OR8K3: variants seen among roughly 807,000 people sequenced by gnomAD.
OR8K3 encodes olfactory receptor family 8 subfamily K member 3 (gene/pseudogene).
For synonymous variants in OR8K3, 167 were observed against 138.8 expected, an observed-to-expected ratio of 1.20 and a Z score of -1.43; for missense variants, 448 against 367.4, an observed-to-expected ratio of 1.22 and a Z score of -1.79.
At chr11:56,315,420 G>T (rs1854429679) in intron 1 of OR8K3, among the ~76,000 whole-genome samples, 1 of 152,022 alleles carries the variant, frequency 6.6e-6, no homozygotes. Flanking sequence ...AAGCATCTTT[G>T]AAACATTATC....
Position 56,319,352 on chromosome 11 carries a change from A to T in OR8K3, c.*107A>T. On this transcript the variant is annotated 3_prime_UTR_variant, in exon 3 of 3. Transcript: ENST00000641662. ...TAACTGATTCAACATATATTTACAT[A>T]TGTCTCATACATGATAGGCTCTTCT... The T allele has an allele frequency of 1.6e-6, 1 of 633,714 alleles. No homozygotes were observed. The highest frequency in any genetic ancestry group is 2.7e-5 in the East Asian group (1 of 36,690). 39.3% of individuals were successfully genotyped at this position (633,714 alleles called of 1,614,324 possible).
chr11:56,318,815 G>A lies in OR8K3; in HGVS notation c.509G>A (p.Gly170Asp), dbSNP rs762031203. The change falls in exon 3 of 3, where the codon GGC becomes GAC. Residue 170 changes from glycine (G) to aspartate (D), a missense_variant. Physicochemically the swap from Gly to Asp is moderately conservative, Grantham distance 94. Coordinates refer to ENST00000641662, the MANE Select transcript of OR8K3 (RefSeq NM_001005202.2). ...AAGATTTTTACTTTATCCTTCTGTG[G>A]CTACAACGTCATTAGTCATTTCTAC... ...TIKIFTLSFCGYNVISHFYCD... is the reference protein window; with the variant it reads ...TIKIFTLSFCDYNVISHFYCD... 4.5e-5 allele frequency: 73 copies of A among 1,613,850 alleles called. No individual in the cohort carries two copies. Among genetic ancestry groups the A allele is most frequent in the Non-Finnish European group, 5.9e-5 (70 of 1,179,938 alleles).
At chr11:56,316,268 A>T (rs1854441951) in intron 2 of OR8K3, among the ~76,000 whole-genome samples, 1 of 152,036 alleles carries the variant, frequency 6.6e-6, no homozygotes, top group Non-Finnish European at 1.5e-5. Context: ...AATTTTATTT[A>T]AAAAATTAAG....
rs575356334 is a variant in OR8K3 at position 56,318,533 on chromosome 11, C to A, written c.227C>A (p.Thr76Asn). Reference sequence around the variant, plus strand: ...TTCATGGATCTTGGTTATTCAACAACTGTGGGACCCAAAATGTTAGTAAAT... The same window carrying A: ...TTCATGGATCTTGGTTATTCAACAAATGTGGGACCCAAAATGTTAGTAAAT... ...LAFMDLGYST[T>N]VGPKMLVNFV... Residue 76 changes from threonine to asparagine, a missense_variant, in exon 3 of 3, where the codon ACT becomes AAT. Physicochemically the swap from Thr to Asn is moderately conservative, Grantham distance 65. Transcript: ENST00000641662. The A allele has an allele frequency of 6.2e-7, 1 of 1,613,622 alleles. No homozygotes were observed. The highest frequency in any genetic ancestry group is 1.3e-5 in the African/African-American group (1 of 74,984).
intron 1 of OR8K3, among the ~76,000 whole-genome samples, chr11:56,315,622 C>A (rs1388961423): frequency 6.6e-6 from 1 of 151,834 alleles, no homozygotes; most frequent in African/African-American, 2.4e-5. Context: ...GCTCTCAGAC[C>A]CCTTAACAAT....
At chr11:56,316,291 G>T (rs1854442384) in intron 2 of OR8K3, among the ~76,000 whole-genome samples, 1 of 151,840 alleles carries the variant, frequency 6.6e-6, no homozygotes. Context: ...CAAATAATAT[G>T]TAATCATCTT....
intron 2 of OR8K3, among the ~76,000 whole-genome samples, chr11:56,317,950 G>A (rs1033584139): frequency 6.6e-6 from 1 of 151,968 alleles, no homozygotes; most frequent in African/African-American, 2.4e-5. Flanking sequence ...TGGGTATTGC[G>A]ATGGGCTGAG....
Position 56,318,525 on chromosome 11 carries a change from T to C in OR8K3, c.219T>C (p.Tyr73=), listed in dbSNP as rs771791514. 6.2e-6 allele frequency: 10 copies of C among 1,613,826 alleles called. No individual in the cohort carries two copies. In the South Asian group the frequency reaches 1.1e-4, roughly 18 times the overall value. ...LRHLAFMDLG[Y]STTVGPKMLV... The stretch of plus-strand genomic sequence containing the variant: ...ATCTGGCTTTCATGGATCTTGGTTA[T>C]TCAACAACTGTGGGACCCAAAATGT... Residue 73 remains tyrosine (Y), a synonymous_variant, in exon 3 of 3, where the codon TAT becomes TAC. Coordinates refer to ENST00000641662, the MANE Select transcript of OR8K3 (RefSeq NM_001005202.2).
In OR8K3 at chr11:56,319,064, C is replaced by G; in HGVS notation, c.758C>G (p.Thr253Ser). ...HLTVVIVFYG[T>S]LLFMYVQPKS... ...ACAGTGGTCATAGTGTTCTATGGGA[C>G]TTTGCTTTTCATGTACGTGCAGCCC... Residue 253 changes from threonine (T) to serine (S), a missense_variant, in exon 3 of 3, where the codon ACT (threonine) becomes AGT (serine). Transcript: ENST00000641662. The G allele has an allele frequency of 3.7e-6, 6 of 1,614,084 alleles. No individual in the cohort carries two copies. The highest frequency in any genetic ancestry group is 5.1e-6 in the Non-Finnish European group (6 of 1,180,006).
At position 56,320,284 on chromosome 11, in the gene OR8K3, G is replaced by C. The variant is rs566624898; in HGVS notation, c.*1039G>C. ...TTCTACTTGTACAAAGCAAATAAAAGTAATAAAATGCACTACACCATACTG... is the reference window on the plus strand; with the variant it reads ...TTCTACTTGTACAAAGCAAATAAAACTAATAAAATGCACTACACCATACTG... On this transcript the variant is annotated 3_prime_UTR_variant, in exon 3 of 3. Transcript: ENST00000641662. 1 of 152,166 alleles carries C rather than the reference G, an allele frequency of 6.6e-6. No homozygotes were observed. The allele number at this position is 152,166 out of a possible 1,614,324, so 9.4% of individuals were successfully genotyped here.
At chr11:56,317,427 A>G (rs1261720659) in intron 2 of OR8K3, among the ~76,000 whole-genome samples, 4 of 152,124 alleles carry the variant, frequency 2.6e-5, no homozygotes, top group Admixed American at 6.6e-5. Context: ...TGTAGAATAT[A>G]TCTATATCCA....
rs373359112 is a variant in OR8K3 at position 56,318,445 on chromosome 11, G to T, written c.139G>T (p.Val47Phe). 6 of 1,613,914 alleles carry T rather than the reference G, an allele frequency of 3.7e-6. No individual in the cohort carries two copies. Among genetic ancestry groups the T allele is most frequent in the South Asian group, 3.3e-5 (3 of 91,070 alleles). ...AGTGATGGGCAATTTGGGCATGATT[G>T]TCCTCACCAAGTTGGACTCCAGGTT... ...ISVMGNLGMI[V>F]LTKLDSRLQT... The change falls in exon 3 of 3, where the codon GTC (valine) becomes TTC (phenylalanine). Residue 47 changes from valine to phenylalanine, a missense_variant. Val to Phe is a conservative substitution (Grantham distance 50). Transcript: ENST00000641662.
chr11:56,315,676 T>C (rs1854433567), intron 1 of OR8K3, among the ~76,000 whole-genome samples: 2 of 151,846 alleles, frequency 1.3e-5, no homozygotes, highest in South Asian at 2.1e-4. Flanking sequence ...GTAGATATGA[T>C]TGTTTTCTCA....
In OR8K3 at chr11:56,318,668, A is replaced by G; in HGVS notation, c.362A>G (p.Asp121Gly). 1.9e-6 allele frequency: 3 copies of G among 1,613,850 alleles called. No individual in the cohort carries two copies. The highest frequency in any genetic ancestry group is 2.5e-6 in the Non-Finnish European group (3 of 1,179,798). ...ELFILSAMSY[D>G]LYVAICNPLL... ...TTTATTCTCTCAGCCATGTCCTACGACCTCTATGTGGCCATCTGTAACCCT... is the reference window on the plus strand; with the variant it reads ...TTTATTCTCTCAGCCATGTCCTACGGCCTCTATGTGGCCATCTGTAACCCT... The change falls in exon 3 of 3, where the codon GAC (aspartate) becomes GGC (glycine). Residue 121 changes from aspartate to glycine, a missense_variant. Asp to Gly is a moderately conservative substitution (Grantham distance 94). Coordinates refer to ENST00000641662, the MANE Select transcript of OR8K3 (RefSeq NM_001005202.2).
At chr11:56,315,808 G>A (rs1406120887) in intron 1 of OR8K3, among the ~76,000 whole-genome samples, 192 bp from the exon 2 acceptor site, 1 of 151,308 alleles carries the variant, frequency 6.6e-6, no homozygotes, top group South Asian at 2.1e-4. Flanking sequence ...TAAAATAGAA[G>A]AAAATAAAAT....
Position 56,318,540 on chromosome 11 carries a change from A to G in OR8K3, c.234A>G (p.Gly78=), listed in dbSNP as rs1168748358. The G allele has an allele frequency of 2.5e-6, 4 of 1,613,346 alleles. No homozygotes were observed. Among genetic ancestry groups the G allele is most frequent in the Admixed American group, 1.7e-5 (1 of 59,886 alleles). ...FMDLGYSTTV[G]PKMLVNFVVD... The stretch of plus-strand genomic sequence containing the variant: ...ATCTTGGTTATTCAACAACTGTGGG[A>G]CCCAAAATGTTAGTAAATTTTGTTG... The change falls in exon 3 of 3, where the codon GGA becomes GGG. Residue 78 remains glycine (G), a synonymous_variant. Coordinates refer to ENST00000641662, the MANE Select transcript of OR8K3 (RefSeq NM_001005202.2).
rs1020216257 is a variant in OR8K3 at position 56,319,952 on chromosome 11, T to G, written c.*707T>G. The G allele has an allele frequency of 1.3e-5, 2 of 152,218 alleles. No homozygotes were observed. Among genetic ancestry groups the G allele is most frequent in the African/African-American group, 4.8e-5 (2 of 41,458 alleles). 9.4% of individuals were successfully genotyped at this position (152,218 alleles called of 1,614,324 possible). A position where few individuals can be genotyped will look rare whatever the true frequency, so the allele number is the denominator to read the frequency against. On this transcript the variant is annotated 3_prime_UTR_variant, in exon 3 of 3. Coordinates refer to ENST00000641662, the MANE Select transcript of OR8K3 (RefSeq NM_001005202.2). Reference sequence around the variant, plus strand: ...CATTCTGTTTACATGAGTAGATATATCAATTATGCTTAAGTTTAGAAGACA... The same window carrying G: ...CATTCTGTTTACATGAGTAGATATAGCAATTATGCTTAAGTTTAGAAGACA...
In OR8K3 at chr11:56,318,490, T is replaced by C; in HGVS notation, c.184T>C (p.Phe62Leu). Residue 62 changes from phenylalanine to leucine, a missense_variant, in exon 3 of 3, where the codon TTT becomes CTT. Transcript: ENST00000641662. ...DSRLQTPMYF[F>L]LRHLAFMDLG... ...CAGGTTGCAAACCCCTATGTACTTT[T>C]TTCTCAGACATCTGGCTTTCATGGA... 1 of 1,614,132 alleles carries C rather than the reference T, an allele frequency of 6.2e-7. No homozygotes were observed. Among genetic ancestry groups the C allele is most frequent in the South Asian group, 1.1e-5 (1 of 91,082 alleles).
intron 1 of OR8K3, among the ~76,000 whole-genome samples, chr11:56,315,731 G>C (rs905650476): frequency 1.3e-5 from 2 of 151,720 alleles, no homozygotes; most frequent in African/African-American, 4.8e-5. Flanking sequence ...ACATTCGAAT[G>C]TGAAAAGCAT....
Sources: gnomAD v4.1 joint callset for allele counts (sites outside exome capture counted in the v4.1 genomes callset) on GRCh38, gnomAD v4.1.1 for gene constraint, MANE v1.5 for transcripts, NCBI Gene and HGNC (gene_info 2026-07-23, HGNC 2026-07-21) for gene names.